The following PPP2R3A variants were observed in gnomAD, a reference collection of about 807,000 sequenced individuals.
PPP2R3A encodes the protein protein phosphatase 2 regulatory subunit B''alpha.
PPP2R3A carries 80 observed loss-of-function variants against 106.9 expected under a neutral mutation model. The observed-to-expected ratio is 0.75, with a 90% CI of 0.62 to 0.90. PPP2R3A has a LOEUF of 0.90. Among genes scored for constraint, PPP2R3A ranks in the 40% least tolerant of loss-of-function variants. The probability of loss-of-function intolerance (pLI) is 0.00; values close to 1 mark genes in which losing one functional copy is unlikely to be tolerated. For synonymous variants in PPP2R3A, 483 were observed against 468.3 expected (o/e 1.03, Z -0.41); for missense variants, 1,386 against 1,350.4 (o/e 1.03, Z -0.41).
chr3:135,997,403 G>C (rs1435370267), intron 1 of PPP2R3A, among the ~76,000 whole-genome samples: 2 of 151,826 alleles, frequency 1.3e-5, no homozygotes, highest in Admixed American at 6.6e-5. Flanking sequence ...TTTCTTCTTA[G>C]ACTCCCTCTA....
chr3:136,013,250 A>G (rs573874988), intron 2 of PPP2R3A, among the ~76,000 whole-genome samples: 1 of 151,706 alleles, frequency 6.6e-6, no homozygotes, highest in Non-Finnish European at 1.5e-5. Flanking sequence ...TTATCCACTC[A>G]TTGATTGATG....
chr3:136,031,688 A>G (rs1036587884), intron 3 of PPP2R3A, among the ~76,000 whole-genome samples: 5 of 152,202 alleles, frequency 3.3e-5, no homozygotes, highest in African/African-American at 9.6e-5. Flanking sequence ...GTAAAAGGTG[A>G]CAGACGAGGA....
intron 5 of PPP2R3A, among the ~76,000 whole-genome samples, chr3:136,064,914 G>C (rs1202263583): frequency 6.6e-6 from 1 of 152,070 alleles, no homozygotes; most frequent in East Asian, 1.9e-4. Flanking sequence ...TAAAATCACT[G>C]TGTGGATAAT....
chr3:135,983,871 T>C (rs959552803), intron 1 of PPP2R3A, among the ~76,000 whole-genome samples: 1 of 152,224 alleles, frequency 6.6e-6, no homozygotes, highest in African/African-American at 2.4e-5. Flanking sequence ...AGCCTGAAGT[T>C]CAGAGAGAGG....
intron 9 of PPP2R3A, among the ~76,000 whole-genome samples, chr3:136,088,998 A>C (rs531507043): frequency 6.6e-6 from 1 of 152,112 alleles, no homozygotes; most frequent in Non-Finnish European, 1.5e-5. Context: ...TGTTGGATAC[A>C]TAGTTTAAGA....
At chr3:136,110,393 A>G (rs1327212408) in intron 13 of PPP2R3A, among the ~76,000 whole-genome samples, 1 of 152,166 alleles carries the variant, frequency 6.6e-6, no homozygotes, top group Non-Finnish European at 1.5e-5. Flanking sequence ...TAGAAATGAA[A>G]GTTTTATTAA....
chr3:136,108,123 G>T (rs1271815086), intron 13 of PPP2R3A, among the ~76,000 whole-genome samples: 1 of 152,110 alleles, frequency 6.6e-6, no homozygotes, highest in Non-Finnish European at 1.5e-5. Context: ...TGAGGTGGGA[G>T]GATCACTTGA....
intron 5 of PPP2R3A, among the ~76,000 whole-genome samples, chr3:136,050,902 A>C (rs2107865617): frequency 6.6e-6 from 1 of 152,174 alleles, no homozygotes; most frequent in African/African-American, 2.4e-5. Context: ...CTTTTATGGC[A>C]CTGTGCGTAT....
At chr3:136,010,415 T>C (rs1934019277) in intron 2 of PPP2R3A, among the ~76,000 whole-genome samples, 1 of 127,518 alleles carries the variant, frequency 7.8e-6, no homozygotes, top group Non-Finnish European at 1.6e-5. Context: ...CACGCTCGGC[T>C]AATTTTTTTT....
At chr3:136,011,986 C>CACAT (rs974084437) in intron 2 of PPP2R3A, among the ~76,000 whole-genome samples, 11 of 130,506 alleles carry the variant, frequency 8.4e-5, no homozygotes, top group African/African-American at 4.1e-4. Flanking sequence ...CACACACACA[C>CACAT]ACACACATAC....
intron 1 of PPP2R3A, among the ~76,000 whole-genome samples, chr3:135,969,733 T>C (rs764541596): frequency 6.6e-6 from 1 of 152,242 alleles, no homozygotes; most frequent in Non-Finnish European, 1.5e-5. Flanking sequence ...TTGTTATTGT[T>C]TAATTTTGAA....
intron 6 of PPP2R3A, among the ~76,000 whole-genome samples, chr3:136,075,258 T>G (rs948741346): frequency 2.0e-5 from 3 of 152,234 alleles, no homozygotes; most frequent in East Asian, 1.9e-4. Flanking sequence ...TTTCATTTAT[T>G]TCACTAGCAG....
intron 2 of PPP2R3A, among the ~76,000 whole-genome samples, chr3:136,009,081 C>T (rs1398037691): frequency 1.3e-5 from 2 of 152,136 alleles, no homozygotes; most frequent in African/African-American, 4.8e-5. Flanking sequence ...ACTCTGAATT[C>T]ATGATGATTT....
At chr3:136,135,816 C>T (rs570668353) in intron 13 of PPP2R3A, among the ~76,000 whole-genome samples, 1 of 151,918 alleles carries the variant, frequency 6.6e-6, no homozygotes, top group South Asian at 2.1e-4. Context: ...TTTGGGAGGC[C>T]GAGGCAGGCA....
intron 1 of PPP2R3A, among the ~76,000 whole-genome samples, chr3:135,991,582 A>T (rs796937749): frequency 3.2e-4 from 48 of 149,816 alleles, no homozygotes; most frequent in African/African-American, 1.2e-3. Context: ...CATACTTCCC[A>T]TATCAAATAA....
At chr3:136,018,846 A>G (rs551614259) in intron 2 of PPP2R3A, among the ~76,000 whole-genome samples, 1 of 152,276 alleles carries the variant, frequency 6.6e-6, no homozygotes, top group African/African-American at 2.4e-5. Flanking sequence ...CCAGCAGCCT[A>G]TCCTACCCGG....
intron 10 of PPP2R3A, among the ~76,000 whole-genome samples, chr3:136,096,980 A>C (rs766479740): frequency 2.7e-4 from 41 of 151,004 alleles, no homozygotes; most frequent in Admixed American, 7.9e-4. Flanking sequence ...CACACACACA[A>C]AAAATGTAAT....
chr3:136,056,078 A>G (rs996040257), intron 5 of PPP2R3A, among the ~76,000 whole-genome samples: 1 of 152,224 alleles, frequency 6.6e-6, no homozygotes, highest in African/African-American at 2.4e-5. Context: ...CCTTTCTCCC[A>G]AAAATCCATA....
In PPP2R3A at chr3:136,002,432, A is replaced by G. The variant is rs750220531; in HGVS notation, c.934A>G (p.Ser312Gly). ...NEALDLTELISNMPSLQLTPF... is the reference protein window; with the variant it reads ...NEALDLTELIGNMPSLQLTPF... ...GGCTCTAGATTTAACAGAACTGATC[A>G]GTAATATGCCTAGCTTACAACTGAC... The change falls in exon 2 of 14, where the codon AGT (serine) becomes GGT (glycine). Residue 312 changes from serine (S) to glycine (G), a missense_variant. Physicochemically the swap from Ser to Gly is moderately conservative, Grantham distance 56 (BLOSUM62 0). Transcript: ENST00000264977. The G allele has an allele frequency of 2.5e-6, 4 of 1,613,970 alleles. No homozygotes were observed. Among genetic ancestry groups the G allele is most frequent in the East Asian group, 4.5e-5 (2 of 44,878 alleles).
Sources: allele counts gnomAD v4.1 joint callset (sites outside exome capture counted in the v4.1 genomes callset), GRCh38; gene constraint gnomAD v4.1.1; transcripts MANE v1.5; gene names NCBI Gene and HGNC (gene_info 2026-07-23, HGNC 2026-07-21).